The following PLXNA4 variants were observed in gnomAD, a reference collection of about 807,000 sequenced individuals.
The protein encoded by PLXNA4 is plexin-A4.
A neutral mutation model predicts 191.8 loss-of-function variants in PLXNA4; 44 were observed. The observed-to-expected ratio is 0.23, with a 90% CI of 0.18 to 0.29. The LOEUF is 0.29. Among genes scored for constraint, PLXNA4 ranks in the 10% least tolerant of loss-of-function variants. The pLI, the probability that PLXNA4 is intolerant of heterozygous loss-of-function variation, is 1.00. For missense variants in PLXNA4, 1,800 were observed against 2,488.8 expected (o/e 0.72, Z 5.89); for synonymous variants, 1,082 against 1,009.5 (o/e 1.07, Z -1.36).
At chr7:132,465,005 A>G (rs1397288713) in intron 3 of PLXNA4, among the ~76,000 whole-genome samples, 1 of 152,238 alleles carries the variant, frequency 6.6e-6, no homozygotes, top group Non-Finnish European at 1.5e-5. Context: ...TGTCACTCAG[A>G]GCCTGACCCA....
chr7:132,587,887 G>T (rs1476613410), intron 2 of PLXNA4, among the ~76,000 whole-genome samples: 13 of 150,860 alleles, frequency 8.6e-5, no homozygotes, highest in Admixed American at 1.3e-4. Flanking sequence ...TATAATCCAG[G>T]GCTCTGAATT....
At chr7:132,349,088 C>T (rs1035651174) in intron 3 of PLXNA4, among the ~76,000 whole-genome samples, 13 of 152,110 alleles carry the variant, frequency 8.5e-5, no homozygotes, top group African/African-American at 3.1e-4. Flanking sequence ...GGGTCAAGGA[C>T]CATAATGGTC....
At chr7:132,558,316 C>T (rs1800888907) in intron 1 of PLXNA4, among the ~76,000 whole-genome samples, 1 of 152,076 alleles carries the variant, frequency 6.6e-6, no homozygotes, top group African/African-American at 2.4e-5. Context: ...TTTTTCAAAG[C>T]AAATTTTCTA....
At chr7:132,496,221 T>A (rs1481997980) in intron 2 of PLXNA4, among the ~76,000 whole-genome samples, 1 of 149,362 alleles carries the variant, frequency 6.7e-6, no homozygotes, top group African/African-American at 2.6e-5. Context: ...CTTTCACACA[T>A]CATATTTCAG....
At chr7:132,626,027 A>G (rs1429203198) in intron 2 of PLXNA4, among the ~76,000 whole-genome samples, 1 of 152,210 alleles carries the variant, frequency 6.6e-6, no homozygotes. Context: ...TATTCAGTTT[A>G]TCCCAAACTG....
At position 132,203,028 on chromosome 7, in the gene PLXNA4, G is replaced by A. The variant is rs539135350; in HGVS notation, c.2396-192C>T. Among the ~76,000 whole-genome samples the A allele has an allele frequency of 1.2e-4, 18 of 152,270 alleles. No individual in the cohort carries two copies. In the East Asian group the frequency reaches 2.7e-3, roughly 23 times the overall value. Reference sequence around the variant, plus strand: ...AGGCCTGAGCAGAGGGACTGAAATGGGAAGCTCTGGGGTTCTCCGTTCACT... The same window carrying A: ...AGGCCTGAGCAGAGGGACTGAAATGAGAAGCTCTGGGGTTCTCCGTTCACT... On this transcript the variant is annotated intron_variant, in intron 11 of 31. Coordinates refer to ENST00000321063, the MANE Select transcript of PLXNA4 (RefSeq NM_020911.2).
intron 3 of PLXNA4, among the ~76,000 whole-genome samples, chr7:132,440,679 C>A (rs1795665387): frequency 6.6e-6 from 1 of 152,032 alleles, no homozygotes; most frequent in African/African-American, 2.4e-5. Flanking sequence ...TAAAATAAAT[C>A]AAATATTTTA....
chr7:132,159,336 C>T lies in PLXNA4; in HGVS notation c.4660+137G>A, dbSNP rs281881. 6.2e-3 allele frequency: 8,670 copies of T among 1,398,612 alleles called. 411 individuals carry two copies. The African/African-American group carries it at 0.11, about 18-fold the overall frequency. The allele number at this position is 1,398,612 out of a possible 1,614,324, so 86.6% of individuals were successfully genotyped here. On this transcript the variant is annotated intron_variant, in intron 25 of 31. Coordinates refer to ENST00000321063, the MANE Select transcript of PLXNA4 (RefSeq NM_020911.2). ...AACCCCATGGGCTCCTGCGGGGGTC[C>T]AGCCATGCCTGACTCCCTCCAGCCA...
At chr7:132,442,842 A>G (rs1049547515) in intron 3 of PLXNA4, among the ~76,000 whole-genome samples, 3 of 152,174 alleles carry the variant, frequency 2.0e-5, no homozygotes, top group African/African-American at 7.2e-5. Context: ...GATCTAGCAG[A>G]CTTAAAGGGA....
At chr7:132,543,012 G>T (rs779520084) in intron 1 of PLXNA4, among the ~76,000 whole-genome samples, 1 of 151,906 alleles carries the variant, frequency 6.6e-6, no homozygotes, top group Admixed American at 6.6e-5. Flanking sequence ...GCTGGTTCTC[G>T]GTCATGTTGA....
At chr7:132,636,450 A>G (rs1803608356) in intron 2 of PLXNA4, among the ~76,000 whole-genome samples, 1 of 152,144 alleles carries the variant, frequency 6.6e-6, no homozygotes, top group Non-Finnish European at 1.5e-5. Flanking sequence ...AGAATCTGTG[A>G]GCTTCAGAGA....
At chr7:132,577,052 G>A (rs1802275855), upstream of PLXNA4, 1 of 146,494 alleles carries the variant, frequency 6.8e-6, no homozygotes. Context: ...AGTGCCCTGG[G>A]GCCGGGGCTG....
intron 3 of PLXNA4, among the ~76,000 whole-genome samples, chr7:132,355,135 G>A (rs946240124): frequency 2.6e-5 from 4 of 152,146 alleles, no homozygotes; most frequent in African/African-American, 9.7e-5. Context: ...CAAGCCTTTG[G>A]ATCTCCAGCA....
At chr7:132,620,210 C>T (rs529800524) in intron 2 of PLXNA4, among the ~76,000 whole-genome samples, 30 of 152,198 alleles carry the variant, frequency 2.0e-4, no homozygotes, top group Non-Finnish European at 3.8e-4. Context: ...TATGCACGTT[C>T]TCATAATCCC....
At chr7:132,544,221 C>A (rs1421166735) in intron 1 of PLXNA4, among the ~76,000 whole-genome samples, 1 of 152,208 alleles carries the variant, frequency 6.6e-6, no homozygotes, top group Non-Finnish European at 1.5e-5. Context: ...AAGAAAAGAT[C>A]TGTTTCAAGT....
At chr7:132,364,996 TC>T (rs1804097646) in intron 3 of PLXNA4, among the ~76,000 whole-genome samples, 1 of 152,150 alleles carries the variant, frequency 6.6e-6, no homozygotes, top group Admixed American at 6.5e-5. Context: ...AATGGAGATG[TC>T]CCCCTCCCTG....
chr7:132,243,298 CTT>C (rs1798941543), intron 4 of PLXNA4, among the ~76,000 whole-genome samples: 1 of 152,138 alleles, frequency 6.6e-6, no homozygotes, highest in South Asian at 2.1e-4. Flanking sequence ...TTTGCATAGG[CTT>C]AAACAGAAAA....
intron 3 of PLXNA4, among the ~76,000 whole-genome samples, chr7:132,434,478 G>A (rs1474000218): frequency 2.0e-5 from 3 of 152,208 alleles, no homozygotes; most frequent in Non-Finnish European, 4.4e-5. Flanking sequence ...TAGAAGTTCA[G>A]ATTCCCTCAA....
chr7:132,469,219 A>G (rs1047758954), intron 3 of PLXNA4, among the ~76,000 whole-genome samples: 8 of 152,134 alleles, frequency 5.3e-5, no homozygotes, highest in African/African-American at 1.9e-4. Flanking sequence ...GATGTAATAC[A>G]AGGGCATGGG....
Sources: gnomAD v4.1 joint callset for allele counts (sites outside exome capture counted in the v4.1 genomes callset) on GRCh38, gnomAD v4.1.1 for gene constraint, MANE v1.5 for transcripts, NCBI Gene and HGNC (gene_info 2026-07-23, HGNC 2026-07-21) for gene names.